Variants in NOC3L observed in about 807,000 individuals in gnomAD.
The protein encoded by NOC3L is nucleolar complex protein 3 homolog.
Under a neutral mutation model 102.5 loss-of-function variants are expected in NOC3L, and 85 were observed. The observed-to-expected ratio is 0.83, with a 90% CI of 0.70 to 0.99. The LOEUF (loss-of-function observed/expected upper bound fraction) is 0.99, where lower values mean the gene tolerates loss of function less well. NOC3L is among the 50% of genes least tolerant of loss of function. NOC3L has a pLI of 0.00. For synonymous variants in NOC3L, 303 were observed against 309.4 expected (o/e 0.98, Z 0.22); for missense variants, 878 against 914.9 (o/e 0.96, Z 0.52).
chr10:94,316,529 C>T, the NOC3L span: 3 of 1,558,732 alleles, frequency 1.9e-6, no homozygotes, highest in Admixed American at 1.7e-5. Context: ...CCTCAGTTTG[C>T]CTTCACTTTT....
At chr10:94,350,315 T>A (rs780817789) in intron 8 of NOC3L, 27 bp from the exon 9 acceptor site, 25 of 1,604,580 alleles carry the variant, frequency 1.6e-5, no homozygotes, top group Non-Finnish European at 2.0e-5. Flanking sequence ...TGTAGTTACT[T>A]TACTCATTGG....
At chr10:94,327,007 C>CAACA in the NOC3L span, among the ~76,000 whole-genome samples, 1 of 151,402 alleles carries the variant, frequency 6.6e-6, no homozygotes, top group Non-Finnish European at 1.5e-5. Context: ...AAAAATACAA[C>CAACA]AACAGTTAGC....
Position 94,333,883 on chromosome 10 carries a change from A to G in NOC3L, c.*294T>C, listed in dbSNP as rs1029537875. 3.6e-5 allele frequency: 7 copies of G among 193,932 alleles called. No homozygotes were observed. The highest frequency in any genetic ancestry group is 3.0e-4 in the Admixed American group (5 of 16,686). 12.0% of individuals were successfully genotyped at this position (193,932 alleles called of 1,614,324 possible). A position where few individuals can be genotyped will look rare whatever the true frequency, so the allele number is the denominator to read the frequency against. On this transcript the variant is annotated 3_prime_UTR_variant, in exon 21 of 21. Transcript: ENST00000371361. ...CTGCACTTCAGTAAGATCCAGTCCAAAGATTTTTTTAAAAAACTATAATGT... is the reference window on the plus strand; with the variant it reads ...CTGCACTTCAGTAAGATCCAGTCCAGAGATTTTTTTAAAAAACTATAATGT...
Position 94,356,524 on chromosome 10 carries a change from A to G in NOC3L, c.565+11T>C, listed in dbSNP as rs764609690. 3.9e-6 allele frequency: 6 copies of G among 1,531,016 alleles called. No individual in the cohort carries two copies. In the Admixed American group the frequency reaches 5.1e-5, roughly 13 times the overall value. 94.8% of individuals were successfully genotyped at this position (1,531,016 alleles called of 1,614,324 possible). A position where few individuals can be genotyped will look rare whatever the true frequency, so the allele number is the denominator to read the frequency against. On this transcript the variant is annotated intron_variant, in intron 5 of 20. Transcript: ENST00000371361. Reference sequence around the variant, plus strand: ...TCAATTAACAATTTAGTAACTGTAAAGACATATTACCTTCCTCAAGTTCCC... The same window carrying G: ...TCAATTAACAATTTAGTAACTGTAAGGACATATTACCTTCCTCAAGTTCCC...
intron 8 of NOC3L, among the ~76,000 whole-genome samples, chr10:94,351,319 G>GGTGATCTTA (rs1207570475): frequency 6.6e-6 from 1 of 151,662 alleles, no homozygotes; most frequent in Non-Finnish European, 1.5e-5. Flanking sequence ...GACAGCAATG[G>GGTGATCTTA]GTGATCTTAG....
At position 94,338,664 on chromosome 10, in the gene NOC3L, C is replaced by G. The variant is rs773308859; in HGVS notation, c.2035G>C (p.Glu679Gln). The G allele has an allele frequency of 6.2e-7, 1 of 1,613,348 alleles. No individual in the cohort carries two copies. The highest frequency in any genetic ancestry group is 8.5e-7 in the Non-Finnish European group (1 of 1,179,460). ...TTCTGAGCATTGCAGTACTCAGGCT[C>G]ATCCAGTTCAGGAAGGAAAACTCCA... Reference protein sequence around the residue: ...GSGVFLPELDEPEYCNAQNTA... With the variant: ...GSGVFLPELDQPEYCNAQNTA... The change falls in exon 18 of 21, where the codon GAG becomes CAG. Residue 679 changes from glutamate to glutamine, a missense_variant. Transcript: ENST00000371361.
At chr10:94,320,407 T>G in the NOC3L span, among the ~76,000 whole-genome samples, 1 of 152,190 alleles carries the variant, frequency 6.6e-6, no homozygotes, top group African/African-American at 2.4e-5. Flanking sequence ...CAAAGTTAAT[T>G]AAATGATTGG....
At chr10:94,354,920 C>G in intron 6 of NOC3L, 43 bp downstream of exon 6, 1 of 1,581,646 alleles carries the variant, frequency 6.3e-7, no homozygotes, top group Non-Finnish European at 8.6e-7. Context: ...GGCATTTACA[C>G]CATACCTAAT....
At chr10:94,343,798 TA>T (rs1455554109) in intron 13 of NOC3L, among the ~76,000 whole-genome samples, 2 of 152,234 alleles carry the variant, frequency 1.3e-5, no homozygotes, top group Non-Finnish European at 2.9e-5. Flanking sequence ...GTAAAATATA[TA>T]AAAATTAATT....
the NOC3L span, chr10:94,324,301 G>C: frequency 6.9e-7 from 1 of 1,442,092 alleles, no homozygotes; most frequent in African/African-American, 1.4e-5. Context: ...GAATGCAAAT[G>C]TTGGAGATTC....
chr10:94,340,147 G>T, intron 16 of NOC3L, 129 bp downstream of exon 16: 1 of 819,952 alleles, frequency 1.2e-6, no homozygotes, highest in Non-Finnish European at 1.9e-6. Context: ...ATTAAATACA[G>T]ATGCATGGCA....
At position 94,346,546 on chromosome 10, in the gene NOC3L, GTTT is replaced by G; in HGVS notation, c.1265_1267del (p.Lys422del). The stretch of plus-strand genomic sequence containing the variant: ...TTCCTTGATTCTTAGGCATAAAAAT[GTTT>G]TTAACATCTAATATTGGAAAAAAAA... On this transcript the variant is annotated inframe_deletion, in exon 11 of 21. Transcript: ENST00000371361. The G allele has an allele frequency of 7.2e-7, 1 of 1,393,096 alleles. No individual in the cohort carries two copies. The highest frequency in any genetic ancestry group is 9.6e-7 in the Non-Finnish European group (1 of 1,042,098). 86.3% of individuals were successfully genotyped at this position (1,393,096 alleles called of 1,614,324 possible). A position where few individuals can be genotyped will look rare whatever the true frequency, so the allele number is the denominator to read the frequency against.
rs745704647 is a variant in NOC3L, at chr10:94,334,279, A to C, written c.2301T>G (p.Phe767Leu). Reference sequence around the variant, plus strand: ...TTAGCTGATTTAAATCTTCATTCAAAAATGAATCCCCTTGTAAAAATTTAC... The same window carrying C: ...TTAGCTGATTTAAATCTTCATTCAACAATGAATCCCCTTGTAAAAATTTAC... ...IKGKFLQGDSFLNEDLNQLIK... is the reference protein window; with the variant it reads ...IKGKFLQGDSLLNEDLNQLIK... The change falls in exon 21 of 21, where the codon TTT (phenylalanine) becomes TTG (leucine). Residue 767 changes from phenylalanine (F) to leucine (L), a missense_variant. Transcript: ENST00000371361. The C allele has an allele frequency of 1.2e-5, 20 of 1,607,078 alleles. No homozygotes were observed. Among genetic ancestry groups the C allele is most frequent in the Non-Finnish European group, 1.6e-5 (19 of 1,175,112 alleles).
At chr10:94,343,549 A>G (rs2054309907) in intron 13 of NOC3L, among the ~76,000 whole-genome samples, 1 of 152,202 alleles carries the variant, frequency 6.6e-6, no homozygotes, top group African/African-American at 2.4e-5. Flanking sequence ...TGATAAACAG[A>G]ACTTGCCTTT....
At chr10:94,326,575 G>A in the NOC3L span, among the ~76,000 whole-genome samples, 3 of 152,132 alleles carry the variant, frequency 2.0e-5, no homozygotes, top group Non-Finnish European at 2.9e-5. Flanking sequence ...CATATAAAGA[G>A]CCCGATATGT....
At chr10:94,341,048 T>C (rs2054278888) in intron 14 of NOC3L, among the ~76,000 whole-genome samples, 1 of 151,392 alleles carries the variant, frequency 6.6e-6, no homozygotes, top group South Asian at 2.1e-4. Context: ...GCCCCACATC[T>C]GTAGTCCCAG....
intron 11 of NOC3L, 38 bp downstream of exon 11, chr10:94,346,385 CAG>C (rs777182798): frequency 9.3e-6 from 13 of 1,394,378 alleles, no homozygotes; most frequent in African/African-American, 6.0e-5. Flanking sequence ...ATCAAATAAA[CAG>C]AAAATTTAAA....
intron 19 of NOC3L, among the ~76,000 whole-genome samples, chr10:94,336,409 G>A (rs1488201537): frequency 1.3e-5 from 2 of 151,556 alleles, no homozygotes; most frequent in Non-Finnish European, 2.9e-5. Context: ...GTGCAATGGC[G>A]AGATCTCGAC....
chr10:94,328,941 AT>A (rs578189924), downstream of NOC3L: 11 of 152,180 alleles, frequency 7.2e-5, no homozygotes, highest in Non-Finnish European at 1.6e-4. Context: ...AAACCTAACA[AT>A]TTTTTAAAGC....
Sources: allele counts gnomAD v4.1 joint callset (sites outside exome capture counted in the v4.1 genomes callset), GRCh38; gene constraint gnomAD v4.1.1; transcripts MANE v1.5; gene names NCBI Gene and HGNC (gene_info 2026-07-23, HGNC 2026-07-21).